WLS: variants seen among roughly 807,000 people sequenced by gnomAD.
WLS encodes protein wntless homolog.
WLS carries 23 observed loss-of-function variants against 62.8 expected under a neutral mutation model. That is an observed-to-expected ratio of 0.37 (90% confidence interval 0.26 to 0.52). The LOEUF is 0.52. Ranked by LOEUF, WLS falls within the 20% of genes least tolerant of loss-of-function variation. The pLI, the probability that WLS is intolerant of heterozygous loss-of-function variation, is 0.92. For synonymous variants in WLS, 246 were observed against 244.1 expected (o/e 1.01, Z -0.07); for missense variants, 615 against 697.3 (o/e 0.88, Z 1.33).
rs116690953 is a variant in WLS at position 68,111,246 on chromosome 1, A to G, written c.1511-12493T>C. Among the ~76,000 whole-genome samples the G allele has an allele frequency of 3.1e-3, 472 of 152,352 alleles. 2 individuals carry two copies. The highest frequency in any genetic ancestry group is 5.4e-3 in the Non-Finnish European group (369 of 68,030). On this transcript the variant is annotated intron_variant, in intron 11 of 11. Coordinates refer to the WLS transcript ENST00000354777. ...AGCCTTTGGGGACCATAGATGAACTACATCACTTGGTTCTAGCATGTTCTG... is the reference window on the plus strand; with the variant it reads ...AGCCTTTGGGGACCATAGATGAACTGCATCACTTGGTTCTAGCATGTTCTG...
rs867911613 is a variant in WLS at position 68,159,206 on chromosome 1, G to T, written c.421C>A (p.Arg141Ser). 4 of 1,613,914 alleles carry T rather than the reference G, an allele frequency of 2.5e-6. No individual in the cohort carries two copies. The highest frequency in any genetic ancestry group is 3.4e-6 in the Non-Finnish European group (4 of 1,179,986). The change falls in exon 3 of 12, where the codon CGT (arginine) becomes AGT (serine). Residue 141 changes from arginine to serine, a missense_variant. Coordinates refer to ENST00000262348, the MANE Select transcript of WLS (RefSeq NM_024911.7). ...EVSMDVSLAY[R>S]DDAFAEWTEM... ...GTCCACTCAGCAAACGCGTCATCAC[G>T]GTAAGCCAGGGAAACGTCCATGGAG...
chr1:68,127,367 C>G (rs552157417), intron 11 of WLS, among the ~76,000 whole-genome samples: 1 of 152,312 alleles, frequency 6.6e-6, no homozygotes, highest in East Asian at 1.9e-4. Context: ...GCATTTCCTT[C>G]TGCCCTCAGG....
intron 11 of WLS, among the ~76,000 whole-genome samples, chr1:68,134,337 T>A (rs529867428): frequency 1.3e-5 from 2 of 152,216 alleles, no homozygotes; most frequent in African/African-American, 4.8e-5. Context: ...CCCTTCCAAA[T>A]GCACAAGGTC....
intron 1 of WLS, among the ~76,000 whole-genome samples, chr1:68,203,562 C>T (rs976457016): frequency 2.0e-5 from 3 of 152,162 alleles, no homozygotes; most frequent in African/African-American, 7.2e-5. Context: ...GAGTAATAGG[C>T]TCATGAAAAT....
At chr1:68,189,205 C>G (rs1202632314) in intron 2 of WLS, among the ~76,000 whole-genome samples, 1 of 152,094 alleles carries the variant, frequency 6.6e-6, no homozygotes, top group South Asian at 2.1e-4. Context: ...TACTTGTGTG[C>G]AAGTCATCCT....
At chr1:68,220,165 C>T (rs1649885107) in intron 1 of WLS, among the ~76,000 whole-genome samples, 1 of 152,140 alleles carries the variant, frequency 6.6e-6, no homozygotes, top group African/African-American at 2.4e-5. Context: ...ATATGAATGA[C>T]CTGCTTATTG....
intron 1 of WLS, chr1:68,228,159 C>G: frequency 2.6e-6 from 1 of 391,030 alleles, no homozygotes; most frequent in South Asian, 2.0e-5. Context: ...CATAAGTTAC[C>G]TTTTGGAAGA....
chr1:68,218,710 A>C (rs954918564), intron 1 of WLS, among the ~76,000 whole-genome samples: 28 of 152,138 alleles, frequency 1.8e-4, no homozygotes, highest in Non-Finnish European at 3.8e-4. Context: ...CTTTGCCTGC[A>C]GGCAGACATT....
At position 68,227,309 on chromosome 1, in the gene WLS, C is replaced by G. The variant is rs192543863; in HGVS notation, c.106+4885G>C. Among the ~76,000 whole-genome samples the G allele has an allele frequency of 2.9e-3, 428 of 149,928 alleles. 1 individual carries two copies. The highest frequency in any genetic ancestry group is 0.01 in the African/African-American group (416 of 40,650). On this transcript the variant is annotated intron_variant, in intron 1 of 11. Transcript: ENST00000262348. Reference sequence around the variant, plus strand: ...AGCAGGTGCCTGTAATCCCAGCTATCGGGAGGCTGAGGCAGGAGAATCACT... The same window carrying G: ...AGCAGGTGCCTGTAATCCCAGCTATGGGGAGGCTGAGGCAGGAGAATCACT...
chr1:68,216,605 C>T (rs575399036), intron 1 of WLS, among the ~76,000 whole-genome samples: 1 of 152,290 alleles, frequency 6.6e-6, no homozygotes, highest in African/African-American at 2.4e-5. Context: ...GCCCTCTCTA[C>T]ATTCAAATTG....
chr1:68,211,348 G>T (rs1406005487), intron 1 of WLS, among the ~76,000 whole-genome samples: 2 of 149,760 alleles, frequency 1.3e-5, no homozygotes, highest in Non-Finnish European at 3.0e-5. Flanking sequence ...CTAAAAAAAT[G>T]ACAGGTTTTT....
chr1:68,158,791 A>G (rs149803672), intron 3 of WLS, among the ~76,000 whole-genome samples: 52 of 152,306 alleles, frequency 3.4e-4, no homozygotes, highest in African/African-American at 1.2e-3. Context: ...CAGACAGATT[A>G]TGTAAGCTTA....
At chr1:68,102,260 C>T (rs1646089057) in intron 11 of WLS, among the ~76,000 whole-genome samples, 1 of 151,948 alleles carries the variant, frequency 6.6e-6, no homozygotes, top group African/African-American at 2.4e-5. Flanking sequence ...CCTCTTTTTA[C>T]TTCTTCCCAA....
intron 4 of WLS, among the ~76,000 whole-genome samples, chr1:68,154,092 G>T (rs1296527759): frequency 6.6e-6 from 1 of 152,048 alleles, no homozygotes; most frequent in African/African-American, 2.4e-5. Flanking sequence ...GGGCATACAG[G>T]GTGTATGATA....
chr1:68,104,062 C>T (rs977971465), intron 11 of WLS, among the ~76,000 whole-genome samples: 5 of 152,036 alleles, frequency 3.3e-5, no homozygotes, highest in African/African-American at 9.7e-5. Context: ...CTATCCAGAC[C>T]GTTGAAGAGT....
intron 11 of WLS, among the ~76,000 whole-genome samples, chr1:68,118,925 T>C: frequency 7.2e-6 from 1 of 138,470 alleles, no homozygotes; most frequent in African/African-American, 2.7e-5. Flanking sequence ...ATATTAGATG[T>C]TCAACATATG....
At chr1:68,194,330 G>A (rs1570991146) in intron 1 of WLS, 103 bp from the exon 2 acceptor site, 7 of 1,422,036 alleles carry the variant, frequency 4.9e-6, no homozygotes, top group South Asian at 2.9e-5. Context: ...CTTTTGTATC[G>A]CCTTCTACAA....
chr1:68,103,335 TGAA>T (rs776490349), intron 11 of WLS, among the ~76,000 whole-genome samples: 11 of 152,286 alleles, frequency 7.2e-5, no homozygotes, highest in South Asian at 6.2e-4. Flanking sequence ...AGCAGGTGAG[TGAA>T]GAAGAACAAT....
intron 1 of WLS, among the ~76,000 whole-genome samples, chr1:68,195,539 A>G (rs1301605374): frequency 6.6e-6 from 1 of 152,244 alleles, no homozygotes; most frequent in Non-Finnish European, 1.5e-5. Flanking sequence ...CAATCACACA[A>G]TACACCAAAA....
Sources: gnomAD v4.1 joint callset for allele counts (sites outside exome capture counted in the v4.1 genomes callset) on GRCh38, gnomAD v4.1.1 for gene constraint, MANE v1.5 for transcripts, NCBI Gene and HGNC (gene_info 2026-07-23, HGNC 2026-07-21) for gene names.